Variants in TMEM50B observed in about 807,000 individuals in gnomAD.
The protein encoded by TMEM50B is HCV p7-trans-regulated protein 3.
In TMEM50B, 14 loss-of-function variants were observed where a neutral mutation model predicts 23.4. That is an observed-to-expected ratio of 0.60 (90% CI 0.39 to 0.93). TMEM50B has a LOEUF of 0.93. Among genes scored for constraint, TMEM50B ranks in the 40% least tolerant of loss-of-function variants. The pLI is 0.00. For missense variants in TMEM50B, 159 were observed against 193.0 expected, an observed-to-expected ratio of 0.82 and a Z score of 1.04; for synonymous variants, 64 against 62.3, an observed-to-expected ratio of 1.03 and a Z score of -0.13.
intron 8 of TMEM50B, chr21:33,432,945 G>A: frequency 7.9e-7 from 1 of 1,264,652 alleles, no homozygotes; most frequent in Non-Finnish European, 1.1e-6. Flanking sequence ...GAGTGTCATG[G>A]TACAATCTCT....
chr21:33,450,619 T>C lies in TMEM50B; in HGVS notation c.*199A>G. The C allele has an allele frequency of 4.1e-6, 2 of 483,826 alleles. No homozygotes were observed. Among genetic ancestry groups the C allele is most frequent in the Admixed American group, 3.6e-5 (1 of 27,800 alleles). The allele number at this position is 483,826 out of a possible 1,614,324, so 30.0% of individuals were successfully genotyped here. On this transcript the variant is annotated 3_prime_UTR_variant, in exon 7 of 7. Coordinates refer to ENST00000542230, the MANE Select transcript of TMEM50B (RefSeq NM_006134.7). ...TCATTATCCAATTCATATAGTCTTG[T>C]ATTATATACATATTAACAGTCTATG...
intron 6 of TMEM50B, among the ~76,000 whole-genome samples, chr21:33,452,022 T>A (rs114425355): frequency 6.6e-6 from 1 of 152,204 alleles, no homozygotes; most frequent in Admixed American, 6.5e-5. Flanking sequence ...GCAGAGCACA[T>A]AGATGACACA....
chr21:33,444,545 A>C (rs78263434), downstream of TMEM50B, among the ~76,000 whole-genome samples: 1 of 129,936 alleles, frequency 7.7e-6, no homozygotes, highest in African/African-American at 2.6e-5. Context: ...ACCCTGTCTC[A>C]AAAAAAAAAA....
chr21:33,442,868 C>A, intron 7 of TMEM50B, among the ~76,000 whole-genome samples: 1 of 151,648 alleles, frequency 6.6e-6, no homozygotes, highest in South Asian at 2.1e-4. Flanking sequence ...TTGCAGTGAG[C>A]AAGATCGTGC....
chr21:33,457,651 C>A (rs1357487917), intron 5 of TMEM50B, among the ~76,000 whole-genome samples: 19 of 123,570 alleles, frequency 1.5e-4, no homozygotes, highest in African/African-American at 3.0e-4. Context: ...AACTCCAACT[C>A]AAAAAAAAAA....
intron 8 of TMEM50B, chr21:33,439,132 AGCATCTGT>A (rs2083985453): frequency 6.6e-6 from 1 of 152,336 alleles, no homozygotes; most frequent in Non-Finnish European, 1.5e-5. Flanking sequence ...CTCCCTGTGA[AGCATCTGT>A]TGTATGCATT....
At chr21:33,478,115 A>G (rs1048677665) in intron 1 of TMEM50B, among the ~76,000 whole-genome samples, 30 of 151,726 alleles carry the variant, frequency 2.0e-4, no homozygotes, top group Non-Finnish European at 3.8e-4. Context: ...AGCCTGGGAG[A>G]CAGAGCAAGA....
In TMEM50B at chr21:33,473,472, A is replaced by C. The variant is rs555193336; in HGVS notation, c.-41-4546T>G. ...TGTCTCGGAAGAAAAAAAAAAAAAA[A>C]AAAAAACTCAATCCCAAATTCTATA... On this transcript the variant is annotated intron_variant, in intron 1 of 6. Coordinates refer to ENST00000542230, the MANE Select transcript of TMEM50B (RefSeq NM_006134.7). 6.4e-3 allele frequency among the ~76,000 whole-genome samples: 974 copies of C among 151,560 alleles called. 12 individuals carry two copies. The highest frequency in any genetic ancestry group is 0.023 in the African/African-American group (936 of 41,360).
intron 1 of TMEM50B, among the ~76,000 whole-genome samples, chr21:33,478,078 T>A (rs2084390964): frequency 6.6e-6 from 1 of 151,308 alleles, no homozygotes; most frequent in Non-Finnish European, 1.5e-5. Context: ...GAGCTTGCAG[T>A]GAGCCGAGAT....
rs767366590 is a variant in TMEM50B at position 33,432,885 on chromosome 21, CAT to C, written c.*2121-85_*2121-84del. ...CAGATAGAAGAGGTACGTGTGCACA[CAT>C]CTCTTTTTTTTTTTTTGAGACAGGG... On this transcript the variant is annotated intron_variant and NMD_transcript_variant, in intron 8 of 8. Coordinates refer to the TMEM50B transcript ENST00000420455. 6 of 1,569,710 alleles carry C rather than the reference CAT, an allele frequency of 3.8e-6. No homozygotes were observed. The African/African-American group carries it at 8.1e-5, about 21-fold the overall frequency.
At chr21:33,451,969 C>T (rs1261966481) in intron 6 of TMEM50B, among the ~76,000 whole-genome samples, 1 of 152,180 alleles carries the variant, frequency 6.6e-6, no homozygotes, top group Non-Finnish European at 1.5e-5. Context: ...AGGTCCAGCA[C>T]ACAGGAAGCA....
intron 4 of TMEM50B, 168 bp downstream of exon 4, chr21:33,465,174 C>T: frequency 3.9e-6 from 2 of 506,642 alleles, no homozygotes; most frequent in Non-Finnish European, 7.0e-6. Context: ...CTAGCAATAA[C>T]TTACTTTCTT....
chr21:33,469,853 G>A (rs371929788), intron 1 of TMEM50B, among the ~76,000 whole-genome samples: 52 of 152,236 alleles, frequency 3.4e-4, no homozygotes, highest in African/African-American at 1.2e-3. Context: ...CCAGATATAT[G>A]GAGCAGAGAT....
intron 6 of TMEM50B, among the ~76,000 whole-genome samples, chr21:33,451,440 TA>T (rs1048331833): frequency 1.3e-5 from 2 of 151,966 alleles, no homozygotes; most frequent in Non-Finnish European, 2.9e-5. Context: ...ATTCCACCTA[TA>T]AAAAAATGCT....
At chr21:33,477,911 G>A (rs1021027399) in intron 1 of TMEM50B, among the ~76,000 whole-genome samples, 7 of 151,670 alleles carry the variant, frequency 4.6e-5, no homozygotes, top group Admixed American at 2.6e-4. Context: ...TGAGGCAGGT[G>A]GATCACGAGG....
chr21:33,451,392 C>G (rs2084118248), intron 6 of TMEM50B, among the ~76,000 whole-genome samples: 1 of 152,260 alleles, frequency 6.6e-6, no homozygotes, highest in South Asian at 2.1e-4. Context: ...CCTAATGGAG[C>G]TAAGGGTCTA....
At chr21:33,448,184 C>G (rs566445738), downstream of TMEM50B, among the ~76,000 whole-genome samples, 1 of 151,656 alleles carries the variant, frequency 6.6e-6, no homozygotes, top group South Asian at 2.1e-4. Flanking sequence ...TAGTACAGAC[C>G]GGGTTTCAGT....
downstream of TMEM50B, among the ~76,000 whole-genome samples, chr21:33,448,335 G>A (rs1484748904): frequency 2.0e-5 from 3 of 152,068 alleles, no homozygotes; most frequent in African/African-American, 7.2e-5. Context: ...AAAATTAAGT[G>A]ATTTGCTCAC....
intron 5 of TMEM50B, among the ~76,000 whole-genome samples, chr21:33,459,982 T>A (rs2084203224): frequency 6.6e-6 from 1 of 152,208 alleles, no homozygotes; most frequent in African/African-American, 2.4e-5. Flanking sequence ...GTGAGCTCCA[T>A]GTCAGTTTAG....
Sources: allele counts gnomAD v4.1 joint callset (sites outside exome capture counted in the v4.1 genomes callset), GRCh38; gene constraint gnomAD v4.1.1; transcripts MANE v1.5; gene names NCBI Gene and HGNC (gene_info 2026-07-23, HGNC 2026-07-21).